CACNA2D3: variants seen among roughly 807,000 people sequenced by gnomAD.
CACNA2D3 encodes the protein voltage-dependent calcium channel subunit alpha-2/delta-3.
Under a neutral mutation model 160.6 loss-of-function variants are expected in CACNA2D3, and 60 were observed. That is an observed-to-expected ratio of 0.37 (90% confidence interval 0.30 to 0.46). CACNA2D3 has a LOEUF of 0.46. CACNA2D3 is among the 20% of genes least tolerant of loss of function. The probability of loss-of-function intolerance (pLI) is 1.00; values close to 1 mark genes in which losing one functional copy is unlikely to be tolerated. For synonymous variants in CACNA2D3, 558 were observed against 492.9 expected (o/e 1.13, Z -1.75); for missense variants, 1,205 against 1,365.0 (o/e 0.88, Z 1.85).
At chr3:54,711,682 T>G (rs1700955734) in intron 11 of CACNA2D3, among the ~76,000 whole-genome samples, 1 of 152,178 alleles carries the variant, frequency 6.6e-6, no homozygotes, top group African/African-American at 2.4e-5. Context: ...GCCACATCTC[T>G]GAACATAGAA....
chr3:54,123,479 G>C, intron 1 of CACNA2D3, 34 bp from the exon 2 acceptor site: 1 of 1,502,834 alleles, frequency 6.7e-7, no homozygotes, highest in South Asian at 1.1e-5. Flanking sequence ...TGACACGGGT[G>C]TTACATATCT....
chr3:55,021,270 A>C (rs1023189881), intron 35 of CACNA2D3, among the ~76,000 whole-genome samples: 1 of 151,846 alleles, frequency 6.6e-6, no homozygotes, highest in African/African-American at 2.4e-5. Context: ...GTTTCATCTC[A>C]TTTTTCGAGG....
At chr3:54,405,664 T>C (rs1699562134) in intron 4 of CACNA2D3, among the ~76,000 whole-genome samples, 1 of 152,222 alleles carries the variant, frequency 6.6e-6, no homozygotes. Context: ...TTGACAGTGA[T>C]TTCTTGGATG....
At position 54,574,428 on chromosome 3, in the gene CACNA2D3, T is replaced by C. The variant is rs527912664; in HGVS notation, c.888+4324T>C. 2.6e-5 allele frequency among the ~76,000 whole-genome samples: 4 copies of C among 152,310 alleles called. No individual in the cohort carries two copies. The South Asian group carries it at 8.3e-4, about 32-fold the overall frequency. ...ATATTATACTGAAAAGTTTCTGATC[T>C]TGATCTATCCAGAGTATAAACATAA... is the stretch of plus-strand genomic sequence containing the variant. On this transcript the variant is annotated intron_variant, in intron 8 of 37. Coordinates refer to ENST00000474759, the MANE Select transcript of CACNA2D3 (RefSeq NM_018398.3).
chr3:54,971,171 C>G (rs1355620005), intron 29 of CACNA2D3, among the ~76,000 whole-genome samples: 1 of 151,530 alleles, frequency 6.6e-6, no homozygotes, highest in East Asian at 1.9e-4. Flanking sequence ...CTGTGATCAT[C>G]AGATCAAAAC....
chr3:54,910,811 C>G (rs1700540173), intron 27 of CACNA2D3, among the ~76,000 whole-genome samples: 1 of 152,152 alleles, frequency 6.6e-6, no homozygotes, highest in African/African-American at 2.4e-5. Flanking sequence ...CCCCTCCACC[C>G]TTTCTCCATA....
chr3:54,577,049 A>G (rs1003208052), intron 8 of CACNA2D3, among the ~76,000 whole-genome samples: 5 of 152,124 alleles, frequency 3.3e-5, no homozygotes, highest in African/African-American at 1.2e-4. Context: ...TCAAAAACAA[A>G]CAAACAAAAA....
At chr3:54,957,363 G>T (rs2107035463) in intron 27 of CACNA2D3, among the ~76,000 whole-genome samples, 1 of 151,954 alleles carries the variant, frequency 6.6e-6, no homozygotes, top group African/African-American at 2.4e-5. Context: ...TGCTCAGGCT[G>T]GTCTTGAACT....
intron 2 of CACNA2D3, among the ~76,000 whole-genome samples, chr3:54,128,452 T>C (rs1301472180): frequency 6.6e-6 from 1 of 152,220 alleles, no homozygotes; most frequent in Non-Finnish European, 1.5e-5. Flanking sequence ...TTATCTCCAC[T>C]TGGTGTTTAG....
chr3:54,321,776 A>G (rs1213490396), intron 3 of CACNA2D3, among the ~76,000 whole-genome samples: 1 of 152,170 alleles, frequency 6.6e-6, no homozygotes, highest in African/African-American at 2.4e-5. Flanking sequence ...TGTGAATTCC[A>G]GAACACAGAA....
intron 3 of CACNA2D3, among the ~76,000 whole-genome samples, chr3:54,345,626 C>T (rs1698442257): frequency 6.6e-6 from 1 of 152,134 alleles, no homozygotes; most frequent in East Asian, 1.9e-4. Flanking sequence ...AATTAAGAGG[C>T]ATCAAGGAGA....
At chr3:54,470,618 C>T (rs1015089818) in intron 4 of CACNA2D3, among the ~76,000 whole-genome samples, 2 of 152,060 alleles carry the variant, frequency 1.3e-5, no homozygotes, top group South Asian at 2.1e-4. Flanking sequence ...CTAAATGCCC[C>T]AATTAAAAGA....
intron 9 of CACNA2D3, among the ~76,000 whole-genome samples, chr3:54,609,761 T>C (rs1698710551): frequency 6.6e-6 from 1 of 152,264 alleles, no homozygotes; most frequent in Non-Finnish European, 1.5e-5. Flanking sequence ...AGTTAAATAA[T>C]TTATTTTATG....
chr3:54,469,806 C>T (rs11720682), intron 4 of CACNA2D3, among the ~76,000 whole-genome samples: 18,336 of 151,522 alleles, frequency 0.12, 1,438 homozygotes, highest in South Asian at 0.21. Context: ...ATAGCCAAGC[C>T]GATCAAGCGG....
At chr3:54,897,243 A>G (rs1197445856) in intron 26 of CACNA2D3, among the ~76,000 whole-genome samples, 2 of 152,170 alleles carry the variant, frequency 1.3e-5, no homozygotes, top group Admixed American at 1.3e-4. Flanking sequence ...GCAGAGGTCC[A>G]CTGTTCCCCA....
intron 4 of CACNA2D3, among the ~76,000 whole-genome samples, chr3:54,447,163 A>C (rs1700235878): frequency 6.6e-6 from 1 of 152,312 alleles, no homozygotes; most frequent in Non-Finnish European, 1.5e-5. Context: ...ATAGATGAAA[A>C]CCACCACATG....
At chr3:54,565,839 C>T (rs1284764924) in intron 6 of CACNA2D3, among the ~76,000 whole-genome samples, 1 of 152,258 alleles carries the variant, frequency 6.6e-6, no homozygotes, top group Admixed American at 6.5e-5. Context: ...ATAGTTCTTA[C>T]TTTATAAAAT....
intron 2 of CACNA2D3, among the ~76,000 whole-genome samples, chr3:54,174,532 A>AT (rs146054433): frequency 0.017 from 2,484 of 149,658 alleles, 59 homozygotes; most frequent in African/African-American, 0.057. Context: ...AGCTTGAACT[A>AT]TTTTTTTTTT....
chr3:55,001,885 G>A (rs72879921), intron 31 of CACNA2D3, among the ~76,000 whole-genome samples: 5,654 of 152,216 alleles, frequency 0.037, 348 homozygotes, highest in African/African-American at 0.13. Context: ...GAGGCCGAGC[G>A]CGGTGGCTCA....
Sources: allele counts gnomAD v4.1 joint callset (sites outside exome capture counted in the v4.1 genomes callset), GRCh38; gene constraint gnomAD v4.1.1; transcripts MANE v1.5; gene names NCBI Gene and HGNC (gene_info 2026-07-23, HGNC 2026-07-21).